The following DGKE variants were observed in gnomAD, a reference collection of about 807,000 sequenced individuals.
DGKE encodes diacylglycerol kinase epsilon.
DGKE carries 53 observed loss-of-function variants against 70.0 expected under a neutral mutation model. That is an observed-to-expected ratio of 0.76 (90% confidence interval 0.61 to 0.95). The LOEUF is 0.95. Among genes scored for constraint, DGKE ranks in the 40% least tolerant of loss-of-function variants. The pLI is 0.00. For missense variants in DGKE, 655 were observed against 706.9 expected (o/e 0.93, Z 0.83); for synonymous variants, 291 against 257.0 (o/e 1.13, Z -1.27).
intron 3 of DGKE, among the ~76,000 whole-genome samples, chr17:56,845,225 T>G (rs1907211144): frequency 6.6e-6 from 1 of 152,066 alleles, no homozygotes; most frequent in Non-Finnish European, 1.5e-5. Flanking sequence ...GAGTACCCCA[T>G]TTTAAAAAAA....
At chr17:56,835,540 C>A (rs1732913248) in intron 2 of DGKE, 2 of 465,476 alleles carry the variant, frequency 4.3e-6, no homozygotes, top group Non-Finnish European at 7.5e-6. Flanking sequence ...GTGGTGCCTG[C>A]TTCATGGCCA....
intron 4 of DGKE, 46 bp from the exon 5 acceptor site, chr17:56,847,876 G>A: frequency 7.1e-7 from 1 of 1,406,246 alleles, no homozygotes; most frequent in Non-Finnish European, 9.5e-7. Flanking sequence ...TACAGATGAA[G>A]GAAAATGTTG....
At chr17:56,858,570 A>T (rs768531881) in intron 8 of DGKE, 24 bp from the exon 9 acceptor site, 20 of 1,567,182 alleles carry the variant, frequency 1.3e-5, no homozygotes, top group Non-Finnish European at 1.7e-5. Flanking sequence ...TTTTAATATT[A>T]TATTTTCTGT....
At chr17:56,857,273 T>C (rs1908006380) in intron 8 of DGKE, among the ~76,000 whole-genome samples, 1 of 152,194 alleles carries the variant, frequency 6.6e-6, no homozygotes, top group Non-Finnish European at 1.5e-5. Context: ...AGAATAAATT[T>C]TTGGTGAAGT....
rs184243120 is a variant in DGKE, at chr17:56,866,593, T to A, written c.*3802T>A. 6.6e-6 allele frequency: 1 copy of A among 152,262 alleles called. No homozygotes were observed. The highest frequency in any genetic ancestry group is 1.5e-5 in the Non-Finnish European group (1 of 68,048). The allele number at this position is 152,262 out of a possible 1,614,324, so 9.4% of individuals were successfully genotyped here. A position where few individuals can be genotyped will look rare whatever the true frequency, so the allele number is the denominator to read the frequency against. On this transcript the variant is annotated 3_prime_UTR_variant, in exon 12 of 12. Transcript: ENST00000284061. ...CAAATTGATATATTTGTCTGAACTC[T>A]GTTACATAAAAATTGGTATGATTCA...
At position 56,848,822 on chromosome 17, in the gene DGKE, G is replaced by C; in HGVS notation, c.1015G>C (p.Val339Leu). 1 of 1,614,172 alleles carries C rather than the reference G, an allele frequency of 6.2e-7. No homozygotes were observed. Among genetic ancestry groups the C allele is most frequent in the Non-Finnish European group, 8.5e-7 (1 of 1,180,020 alleles). The part of the protein sequence containing the change: ...EIPVAQVLRN[V>L]MEADGIKLDR... Reference sequence around the variant, plus strand: ...TCCAGTTGCGCAGGTTTTGCGAAATGTAATGGAAGCAGATGGAATTAAACT... The same window carrying C: ...TCCAGTTGCGCAGGTTTTGCGAAATCTAATGGAAGCAGATGGAATTAAACT... The change falls in exon 6 of 12, where the codon GTA becomes CTA. Residue 339 changes from valine to leucine, a missense_variant. Val to Leu is a conservative substitution (Grantham distance 32). Transcript: ENST00000284061.
At chr17:56,848,968 T>C in intron 6 of DGKE, 115 bp downstream of exon 6, 1 of 1,426,138 alleles carries the variant, frequency 7.0e-7, no homozygotes, top group Middle Eastern at 1.9e-4. Context: ...AAGACTATAC[T>C]AGTTGTACCT....
intron 7 of DGKE, among the ~76,000 whole-genome samples, chr17:56,851,149 A>G (rs1427931877): frequency 6.6e-6 from 1 of 152,170 alleles, no homozygotes; most frequent in East Asian, 1.9e-4. Context: ...CATCACTCAG[A>G]GAGCAGTAGT....
In DGKE at chr17:56,861,786, T is replaced by C. The variant is rs755954770; in HGVS notation, c.1285-5T>C. 2.5e-6 allele frequency: 4 copies of C among 1,611,334 alleles called. No homozygotes were observed. Among genetic ancestry groups the C allele is most frequent in the Non-Finnish European group, 1.7e-6 (2 of 1,179,388 alleles). On this transcript the variant is annotated splice_region_variant and splice_polypyrimidine_tract_variant and intron_variant, in intron 9 of 11. Coordinates refer to ENST00000284061, the MANE Select transcript of DGKE (RefSeq NM_003647.3). Reference sequence around the variant, plus strand: ...TAGTCACTATCTATTTGTATTTCTTTAAAGCTAGAACTGGATGGTGAGCGA... The same window carrying C: ...TAGTCACTATCTATTTGTATTTCTTCAAAGCTAGAACTGGATGGTGAGCGA...
intron 2 of DGKE, among the ~76,000 whole-genome samples, chr17:56,842,752 A>G (rs914154092): frequency 1.3e-5 from 2 of 152,184 alleles, no homozygotes; most frequent in Non-Finnish European, 2.9e-5. Context: ...TTTCTTTTTT[A>G]TATTCATTTA....
rs138716294 is a variant in DGKE, at chr17:56,852,894, T to C, written c.1099-3618T>C. Among the ~76,000 whole-genome samples the C allele has an allele frequency of 3.3e-3, 495 of 152,294 alleles. 2 individuals carry two copies. The highest frequency in any genetic ancestry group is 5.9e-3 in the Non-Finnish European group (400 of 68,008). On this transcript the variant is annotated intron_variant, in intron 7 of 11. Transcript: ENST00000284061. Reference sequence around the variant, plus strand: ...GACCAGAAGTATTTCAGATTTCTGATTTTTTTGGATTTTGGAATATGTGCA... The same window carrying C: ...GACCAGAAGTATTTCAGATTTCTGACTTTTTTGGATTTTGGAATATGTGCA...
At chr17:56,862,332 C>CT in intron 11 of DGKE, 81 bp downstream of exon 11, 1 of 1,333,848 alleles carries the variant, frequency 7.5e-7, no homozygotes, top group South Asian at 1.2e-5. Flanking sequence ...ACATGCTATA[C>CT]TTTTCTTTAA....
rs1908426178 is a variant in DGKE, at chr17:56,863,934, T to C, written c.*1143T>C. ...GTCACAATCAGATAGAAATTTAGTC[T>C]ATTAATTAAAATTCTAATTTAATTC... On this transcript the variant is annotated 3_prime_UTR_variant, in exon 12 of 12. Transcript: ENST00000284061. 1 of 152,248 alleles carries C rather than the reference T, an allele frequency of 6.6e-6. No individual in the cohort carries two copies. Among genetic ancestry groups the C allele is most frequent in the African/African-American group, 2.4e-5 (1 of 41,466 alleles). The allele number at this position is 152,248 out of a possible 1,614,324, so 9.4% of individuals were successfully genotyped here. A position where few individuals can be genotyped will look rare whatever the true frequency, so the allele number is the denominator to read the frequency against.
At chr17:56,844,387 G>T (rs930368887) in intron 3 of DGKE, among the ~76,000 whole-genome samples, 1 of 152,086 alleles carries the variant, frequency 6.6e-6, no homozygotes, top group South Asian at 2.1e-4. Flanking sequence ...AAAAATTTTG[G>T]CTCTTGAGTT....
intron 2 of DGKE, among the ~76,000 whole-genome samples, chr17:56,839,384 GTCTTA>G (rs937055671): frequency 2.0e-5 from 3 of 152,148 alleles, no homozygotes; most frequent in East Asian, 1.9e-4. Context: ...TTTTAGTAAT[GTCTTA>G]TCTTCCCAGT....
At chr17:56,861,506 A>G (rs563924021) in intron 9 of DGKE, among the ~76,000 whole-genome samples, 6 of 152,118 alleles carry the variant, frequency 3.9e-5, no homozygotes, top group Non-Finnish European at 7.4e-5. Flanking sequence ...GAAAAGAGGA[A>G]GGGGGTCAGC....
chr17:56,840,417 T>C (rs1012838630), intron 2 of DGKE, among the ~76,000 whole-genome samples: 2 of 152,120 alleles, frequency 1.3e-5, no homozygotes, highest in African/African-American at 4.8e-5. Context: ...ACTCTGTCGC[T>C]CAGGTTGCAG....
At position 56,868,642 on chromosome 17, in the gene DGKE, T is replaced by G. The variant is rs900484464; in HGVS notation, c.*5851T>G. 2 of 152,256 alleles carry G rather than the reference T, an allele frequency of 1.3e-5. No individual in the cohort carries two copies. Among genetic ancestry groups the G allele is most frequent in the African/African-American group, 4.8e-5 (2 of 41,476 alleles). The allele number at this position is 152,256 out of a possible 1,614,324, so 9.4% of individuals were successfully genotyped here. On this transcript the variant is annotated 3_prime_UTR_variant, in exon 12 of 12. Transcript: ENST00000284061. ...ATTTGGTATGTTGAAGATACTTGCT[T>G]CTTTTTTAATAAAATTAAAAGTGCA...
chr17:56,849,381 G>C, intron 7 of DGKE, 149 bp downstream of exon 7: 1 of 648,600 alleles, frequency 1.5e-6, no homozygotes, highest in East Asian at 2.8e-5. Context: ...TCACAAGCTG[G>C]ACTGTAAATG....
Sources: allele counts gnomAD v4.1 joint callset (sites outside exome capture counted in the v4.1 genomes callset), GRCh38; gene constraint gnomAD v4.1.1; transcripts MANE v1.5; gene names NCBI Gene and HGNC (gene_info 2026-07-23, HGNC 2026-07-21).